The following UPF2 variants were observed in gnomAD, a reference collection of about 807,000 sequenced individuals.
The protein encoded by UPF2 is regulator of nonsense transcripts 2.
Under a neutral mutation model 141.4 loss-of-function variants are expected in UPF2, and 17 were observed. The observed-to-expected ratio is 0.12, with a 90% CI of 0.08 to 0.18. The LOEUF (loss-of-function observed/expected upper bound fraction) is 0.18, where lower values mean the gene tolerates loss of function less well. Ranked by LOEUF, UPF2 falls within the 10% of genes least tolerant of loss-of-function variation. The pLI is 1.00. For missense variants in UPF2, 1,152 were observed against 1,515.9 expected (o/e 0.76, Z 3.99); for synonymous variants, 540 against 498.0 (o/e 1.08, Z -1.12).
At position 12,029,434 on chromosome 10, in the gene UPF2, C is replaced by T. The variant is rs138064436; in HGVS notation, c.456G>A (p.Pro152=). ...AGAAGTTTTCCTCTGGTCGGCTGTC[C>T]GGAGCATTTTGGTTTTTGCTACGAA... ...KELRSKNQNA[P]DSRPEENFFS... is the part of the protein sequence containing the mutation. The change falls in exon 3 of 22, where the codon CCG becomes CCA. Residue 152 remains proline (P), a synonymous_variant. Coordinates refer to ENST00000357604, the MANE Select transcript of UPF2 (RefSeq NM_015542.4). 1.6e-5 allele frequency: 26 copies of T among 1,613,814 alleles called. No homozygotes were observed. Among genetic ancestry groups the T allele is most frequent in the South Asian group, 3.3e-5 (3 of 90,966 alleles).
intron 5 of UPF2, 148 bp downstream of exon 5, chr10:12,004,382 A>G: frequency 9.9e-6 from 6 of 606,660 alleles, no homozygotes; most frequent in South Asian, 9.4e-5. Context: ...CCATCATTCC[A>G]TATAATTCTG....
chr10:11,964,519 C>T (rs557021324), intron 10 of UPF2, among the ~76,000 whole-genome samples: 1 of 152,290 alleles, frequency 6.6e-6, no homozygotes, highest in Admixed American at 6.5e-5. Context: ...CAACCTATCA[C>T]TAGGACATTT....
intron 5 of UPF2, 96 bp downstream of exon 5, chr10:12,004,434 C>T: frequency 2.1e-6 from 2 of 955,316 alleles, no homozygotes; most frequent in South Asian, 3.9e-5. Context: ...TATTACAAAA[C>T]TAGTAACTAC....
At chr10:11,950,574 A>T (rs904113129) in intron 15 of UPF2, among the ~76,000 whole-genome samples, 6 of 152,330 alleles carry the variant, frequency 3.9e-5, no homozygotes, top group African/African-American at 1.4e-4. Context: ...CAAAGGACAA[A>T]GCACAACTGT....
chr10:11,928,621 A>G (rs1832742930), intron 21 of UPF2: 1 of 204,414 alleles, frequency 4.9e-6, no homozygotes, highest in African/African-American at 2.4e-5. Context: ...AGGCAGGAGA[A>G]TGGCGTGAAC....
intron 11 of UPF2, among the ~76,000 whole-genome samples, chr10:11,962,282 T>C (rs1032570744): frequency 1.3e-5 from 2 of 152,230 alleles, no homozygotes; most frequent in African/African-American, 4.8e-5. Flanking sequence ...CTCAAATAAA[T>C]GTGAATACAT....
chr10:11,971,901 T>C (rs1833424031), intron 9 of UPF2, among the ~76,000 whole-genome samples: 1 of 151,816 alleles, frequency 6.6e-6, no homozygotes, highest in South Asian at 2.1e-4. Flanking sequence ...CTGTCTCTGC[T>C]AAAAGTACAA....
intron 3 of UPF2, among the ~76,000 whole-genome samples, chr10:12,021,916 C>T (rs1834324545): frequency 6.6e-6 from 1 of 151,996 alleles, no homozygotes; most frequent in African/African-American, 2.4e-5. Flanking sequence ...GAGGGCAAGG[C>T]GGGCGGATCA....
Position 11,959,431 on chromosome 10 carries a change from TC to T in UPF2, c.2185-76del. The T allele has an allele frequency of 7.0e-7, 1 of 1,431,314 alleles. No homozygotes were observed. Among genetic ancestry groups the T allele is most frequent in the Non-Finnish European group, 9.3e-7 (1 of 1,079,026 alleles). 88.7% of individuals were successfully genotyped at this position (1,431,314 alleles called of 1,614,324 possible). The stretch of plus-strand genomic sequence containing the variant: ...TTTACTCCTAACTAAACTTCTATTC[TC>T]AGTGATTTGCTATTTCAAAGTAATG... On this transcript the variant is annotated intron_variant, in intron 11 of 21. Coordinates refer to ENST00000357604, the MANE Select transcript of UPF2 (RefSeq NM_015542.4). The surrounding 1 kb of genome is among the most constrained non-coding windows in gnomAD (Gnocchi z 5.9).
chr10:11,964,493 A>G (rs186079852), intron 10 of UPF2, among the ~76,000 whole-genome samples: 3 of 152,320 alleles, frequency 2.0e-5, no homozygotes, highest in East Asian at 1.9e-4. Context: ...TTTGCTCATT[A>G]TATGAATTAT....
intron 3 of UPF2, among the ~76,000 whole-genome samples, chr10:12,021,672 G>A (rs891916616): frequency 6.6e-6 from 1 of 152,156 alleles, no homozygotes; most frequent in Non-Finnish European, 1.5e-5. Flanking sequence ...AAATAGTCTT[G>A]ACAAACATAC....
chr10:12,001,741 T>C lies in UPF2; in HGVS notation c.1589A>G (p.Asp530Gly), dbSNP rs1244795684. Residue 530 changes from aspartate (D) to glycine (G), a missense_variant, in exon 6 of 22, where the codon GAC (aspartate) becomes GGC (glycine). Physicochemically the swap from Asp to Gly is moderately conservative, Grantham distance 94 (BLOSUM62 -1). Coordinates refer to ENST00000357604, the MANE Select transcript of UPF2 (RefSeq NM_015542.4). ...LELENLEINDDTLELEGGDEA... is the reference protein window; with the variant it reads ...LELENLEINDGTLELEGGDEA... ...ATCTCCACCCTCTAATTCTAAGGTG[T>C]CATCATTAATTTCTAGATTCTCCAA... 9.3e-6 allele frequency: 15 copies of C among 1,613,274 alleles called. No homozygotes were observed. In the Middle Eastern group the frequency reaches 9.9e-4, roughly 106 times the overall value.
intron 2 of UPF2, among the ~76,000 whole-genome samples, chr10:12,034,544 C>A (rs1399037670): frequency 8.4e-6 from 1 of 119,428 alleles, no homozygotes; most frequent in African/African-American, 2.7e-5. Context: ...GTGGCTCACA[C>A]CTGTAATCCC....
At chr10:11,929,670 G>A (rs1832758739) in intron 21 of UPF2, among the ~76,000 whole-genome samples, 195 bp downstream of exon 21, 1 of 152,130 alleles carries the variant, frequency 6.6e-6, no homozygotes, top group Non-Finnish European at 1.5e-5. Flanking sequence ...AAAAAAAACA[G>A]AACAGCCATA....
intron 15 of UPF2, among the ~76,000 whole-genome samples, chr10:11,948,998 G>A (rs76887588): frequency 0.023 from 3,472 of 152,228 alleles, 147 homozygotes; most frequent in African/African-American, 0.079. Flanking sequence ...AAATTAAGAC[G>A]GGGGAATGGG....
Position 11,959,264 on chromosome 10 carries a change from T to G in UPF2, c.2277A>C (p.Pro759=). The G allele has an allele frequency of 6.2e-7, 1 of 1,613,590 alleles. No individual in the cohort carries two copies. Among genetic ancestry groups the G allele is most frequent in the African/African-American group, 1.3e-5 (1 of 74,970 alleles). ...GTTTCTTTTTCACGGTTTTTTCAGC[T>G]GGAGGTGGGTTGCAGTAGTAATATG... ...ENAYYYCNPP[P]AEKTVKKKRP... Residue 759 remains proline, a synonymous_variant, in exon 12 of 22, where the codon CCA becomes CCC. Transcript: ENST00000357604. The surrounding 1 kb of genome is among the most constrained non-coding windows in gnomAD (Gnocchi z 5.9).
rs996381389 is a variant in UPF2, at chr10:11,939,060, C to T, written c.3379-2348G>A. 7.3e-5 allele frequency among the ~76,000 whole-genome samples: 11 copies of T among 151,516 alleles called. No homozygotes were observed. Among genetic ancestry groups the T allele is most frequent in the Non-Finnish European group, 1.3e-4 (9 of 67,884 alleles). On this transcript the variant is annotated intron_variant, in intron 18 of 21. Coordinates refer to ENST00000357604, the MANE Select transcript of UPF2 (RefSeq NM_015542.4). The surrounding 1 kb of genome is among the most constrained non-coding windows in gnomAD (Gnocchi z 4.8). ...GCTAATTTTTTGTATTTACTGGAGA[C>T]GGGGTTTCACCGTGTTAGCTAGGAG...
chr10:12,013,103 C>T (rs1382629666), intron 4 of UPF2, among the ~76,000 whole-genome samples: 3 of 146,616 alleles, frequency 2.0e-5, no homozygotes, highest in Admixed American at 6.9e-5. Flanking sequence ...CCAGCCTGAG[C>T]GACAGAGCAA....
intron 3 of UPF2, among the ~76,000 whole-genome samples, chr10:12,025,050 G>C (rs968358881): frequency 6.6e-6 from 1 of 151,236 alleles, no homozygotes. Context: ...ACTATCATTA[G>C]GCCAATAGGG....
Sources: allele counts gnomAD v4.1 joint callset (sites outside exome capture counted in the v4.1 genomes callset), GRCh38; gene constraint gnomAD v4.1.1; non-coding constraint Gnocchi (gnomAD v3.1); transcripts MANE v1.5; gene names NCBI Gene and HGNC (gene_info 2026-07-23, HGNC 2026-07-21).